Variants in PPM1E observed in about 807,000 individuals in gnomAD.
PPM1E encodes the protein protein phosphatase, Mg2+/Mn2+ dependent 1E, also known as protein phosphatase 1E.
In PPM1E, 20 loss-of-function variants were observed where a neutral mutation model predicts 65.9. The ratio of observed to expected loss-of-function variants is 0.30; its 90% CI spans 0.21 to 0.44. The LOEUF (loss-of-function observed/expected upper bound fraction) is 0.44, where lower values mean the gene tolerates loss of function less well. PPM1E is among the 20% of genes least tolerant of loss of function. The probability of loss-of-function intolerance (pLI) is 1.00; values close to 1 mark genes in which losing one functional copy is unlikely to be tolerated. For missense variants in PPM1E, 713 were observed against 953.1 expected (o/e 0.75, Z 3.32); for synonymous variants, 352 against 374.9 (o/e 0.94, Z 0.70).
At chr17:58,788,723 A>G (rs2050128217) in intron 1 of PPM1E, among the ~76,000 whole-genome samples, 1 of 152,204 alleles carries the variant, frequency 6.6e-6, no homozygotes, top group Non-Finnish European at 1.5e-5. Flanking sequence ...GTCAGTGCAG[A>G]ATTTAAAGAC....
Position 58,980,997 on chromosome 17 carries a change from G to A in PPM1E, c.2234G>A (p.Cys745Tyr). ...CTCAGAAAGACTCATGATATTCCAT[G>A]CCCAGATCTTCCTTGGAGCTATAAA... is the stretch of plus-strand genomic sequence containing the variant. ...RKLRKTHDIPCPDLPWSYKIE is the reference protein window; with the variant it reads ...RKLRKTHDIPYPDLPWSYKIE Residue 745 changes from cysteine (C) to tyrosine (Y), a missense_variant, in exon 7 of 7, where the codon TGC (cysteine) becomes TAC (tyrosine). By Grantham distance (194) the Cys-to-Tyr change is radical (BLOSUM62 -2). This residue lies in a region of PPM1E where 286 missense variants were observed against 313.8 expected (regional missense o/e 0.91). Coordinates refer to ENST00000308249, the MANE Select transcript of PPM1E (RefSeq NM_014906.5). This position sits in a 1 kb window ranked among gnomAD's most constrained non-coding sequence, Gnocchi z 4.7. The A allele has an allele frequency of 6.2e-7, 1 of 1,612,040 alleles. No individual in the cohort carries two copies. Among genetic ancestry groups the A allele is most frequent in the Non-Finnish European group, 8.5e-7 (1 of 1,179,410 alleles).
intron 1 of PPM1E, among the ~76,000 whole-genome samples, chr17:58,927,504 T>A (rs1373575270): frequency 6.6e-6 from 1 of 152,140 alleles, no homozygotes; most frequent in East Asian, 1.9e-4. Flanking sequence ...TCCAAAAAAA[T>A]TGTGGAATCT....
At chr17:58,920,747 C>T (rs1261863641) in intron 1 of PPM1E, among the ~76,000 whole-genome samples, 2 of 152,006 alleles carry the variant, frequency 1.3e-5, no homozygotes, top group Non-Finnish European at 2.9e-5. Flanking sequence ...GCCTAGTGTT[C>T]GAATGAGAGG....
chr17:58,834,646 G>A lies in PPM1E; in HGVS notation c.464+78185G>A, dbSNP rs72828717. ...TTGTCCCATCACCACTTGTTAAAAC[G>A]ACTATCCTTGCTTCATTAAATTGCT... On this transcript the variant is annotated intron_variant, in intron 1 of 6. Transcript: ENST00000308249. Among the ~76,000 whole-genome samples the A allele has an allele frequency of 3.9e-5, 6 of 152,216 alleles. No homozygotes were observed. In the South Asian group the frequency reaches 6.2e-4, roughly 16 times the overall value.
chr17:58,892,583 AT>A lies in PPM1E; in HGVS notation c.465-63065del, dbSNP rs559528647. Among the ~76,000 whole-genome samples the A allele has an allele frequency of 6.6e-4, 101 of 152,286 alleles. 1 individual carries two copies. The highest frequency in any genetic ancestry group is 2.4e-3 in the African/African-American group (98 of 41,570). On this transcript the variant is annotated intron_variant, in intron 1 of 6. Transcript: ENST00000308249. ...GCAAGAGAAACCCTGTCTCAAAAAA[AT>A]AATAATAATAAAATGATAAAATAAT...
chr17:58,877,044 A>C (rs922168688), intron 1 of PPM1E, among the ~76,000 whole-genome samples: 1 of 152,208 alleles, frequency 6.6e-6, no homozygotes, highest in Non-Finnish European at 1.5e-5. Flanking sequence ...CGGCCTCCCA[A>C]AGTGCTGGGA....
intron 1 of PPM1E, among the ~76,000 whole-genome samples, chr17:58,867,877 T>C (rs1328063568): frequency 6.6e-6 from 1 of 152,176 alleles, no homozygotes; most frequent in African/African-American, 2.4e-5. Flanking sequence ...ATGTGTTCCC[T>C]CTAGGGAACC....
At chr17:58,835,123 T>C (rs1476085731) in intron 1 of PPM1E, among the ~76,000 whole-genome samples, 4 of 152,148 alleles carry the variant, frequency 2.6e-5, no homozygotes, top group Non-Finnish European at 5.9e-5. Flanking sequence ...GGAGGATCAC[T>C]TGAGCACAGG....
intron 1 of PPM1E, among the ~76,000 whole-genome samples, chr17:58,856,977 C>T (rs369185263): frequency 2.0e-5 from 3 of 152,074 alleles, no homozygotes; most frequent in African/African-American, 7.2e-5. Flanking sequence ...TTTAAATTTA[C>T]AGAAAAGTTG....
intron 6 of PPM1E, among the ~76,000 whole-genome samples, chr17:58,975,299 GCTT>G (rs975647685): frequency 1.3e-5 from 2 of 152,156 alleles, no homozygotes. Flanking sequence ...GAGAATACCA[GCTT>G]CTTCTTCTAA....
intron 2 of PPM1E, among the ~76,000 whole-genome samples, chr17:58,958,460 C>T (rs1290225642): frequency 6.6e-6 from 1 of 152,002 alleles, no homozygotes. Flanking sequence ...ATCCTCCTGC[C>T]TTGGCCTCCT....
intron 2 of PPM1E, among the ~76,000 whole-genome samples, chr17:58,959,939 A>G (rs2029979887): frequency 2.0e-5 from 3 of 152,190 alleles, no homozygotes; most frequent in Admixed American, 1.3e-4. Context: ...CTAAATTTTA[A>G]AATATTCTTT....
chr17:58,961,675 AGAC>A (rs1229230214), intron 2 of PPM1E, among the ~76,000 whole-genome samples: 3 of 152,250 alleles, frequency 2.0e-5, no homozygotes, highest in African/African-American at 4.8e-5. Flanking sequence ...TCTGTCCAAT[AGAC>A]AGTGCAATGA....
chr17:58,948,429 G>A (rs2052192367), intron 1 of PPM1E, among the ~76,000 whole-genome samples: 1 of 151,886 alleles, frequency 6.6e-6, no homozygotes, highest in East Asian at 1.9e-4. Context: ...CCAAGACCAT[G>A]GCAGATAAGA....
At chr17:58,911,519 T>G (rs989699324) in intron 1 of PPM1E, among the ~76,000 whole-genome samples, 1 of 152,190 alleles carries the variant, frequency 6.6e-6, no homozygotes, top group African/African-American at 2.4e-5. Flanking sequence ...AAAGGGTCAG[T>G]TGAAGGCTTT....
chr17:58,801,433 C>T (rs2143053049), intron 1 of PPM1E, among the ~76,000 whole-genome samples: 1 of 144,734 alleles, frequency 6.9e-6, no homozygotes, highest in African/African-American at 2.6e-5. Context: ...TCTTTTTCCC[C>T]TTCAGTCTTT....
chr17:58,787,099 G>A (rs1248255874), intron 1 of PPM1E, among the ~76,000 whole-genome samples: 2 of 152,192 alleles, frequency 1.3e-5, no homozygotes, highest in Non-Finnish European at 2.9e-5. Flanking sequence ...GTGCCAAATA[G>A]TTGTGTGCAT....
intron 1 of PPM1E, among the ~76,000 whole-genome samples, chr17:58,934,697 C>T (rs1481512568): frequency 2.0e-5 from 3 of 152,052 alleles, no homozygotes; most frequent in African/African-American, 4.8e-5. Context: ...GTGGCCAAGG[C>T]GGGTGGATCG....
intron 1 of PPM1E, among the ~76,000 whole-genome samples, chr17:58,947,536 CTTT>C (rs78877158): frequency 7.7e-6 from 1 of 130,378 alleles, no homozygotes; most frequent in Non-Finnish European, 1.7e-5. Flanking sequence ...TGCACCTGGC[CTTT>C]TTTTTTTTTT....
Sources: allele counts gnomAD v4.1 joint callset (sites outside exome capture counted in the v4.1 genomes callset), GRCh38; gene constraint gnomAD v4.1.1; regional missense constraint gnomAD v4.1.1; non-coding constraint Gnocchi (gnomAD v3.1); transcripts MANE v1.5; gene names NCBI Gene and HGNC (gene_info 2026-07-23, HGNC 2026-07-21).